The following SELENOT variants were observed in gnomAD, a reference collection of about 807,000 sequenced individuals.
SELENOT encodes the protein thioredoxin reductase-like selenoprotein T.
A neutral mutation model predicts 24.3 loss-of-function variants in SELENOT; 9 were observed. That is an observed-to-expected ratio of 0.37 (90% CI 0.22 to 0.65). The LOEUF (loss-of-function observed/expected upper bound fraction) is 0.65. SELENOT is among the 30% of genes least tolerant of loss of function. SELENOT has a pLI of 0.60. For missense variants in SELENOT, 166 were observed against 247.6 expected (o/e 0.67, Z 2.21); for synonymous variants, 81 against 86.0 (o/e 0.94, Z 0.32).
chr3:150,621,274 C>A (rs1001666470), intron 1 of SELENOT, among the ~76,000 whole-genome samples: 1 of 152,108 alleles, frequency 6.6e-6, no homozygotes, highest in Non-Finnish European at 1.5e-5. Flanking sequence ...CTCACACCCC[C>A]CCCAAAAAAC....
At chr3:150,611,210 A>G in intron 1 of SELENOT, 3 of 875,708 alleles carry the variant, frequency 3.4e-6, no homozygotes, top group Non-Finnish European at 5.5e-6. Flanking sequence ...TACATGTGAA[A>G]AAGCGGTAAA....
chr3:150,611,612 A>G (rs1726094020), intron 1 of SELENOT: 1 of 1,499,002 alleles, frequency 6.7e-7, no homozygotes, highest in Admixed American at 1.7e-5. Flanking sequence ...CTGCGCTCTT[A>G]TCCAGCTCGA....
chr3:150,614,492 C>T, intron 1 of SELENOT: 1 of 153,442 alleles, frequency 6.5e-6, no homozygotes, highest in Middle Eastern at 5.2e-4. Flanking sequence ...CATGAAAATA[C>T]GAAAAGTAGA....
chr3:150,623,312 G>A (rs1414716525), intron 3 of SELENOT, 143 bp downstream of exon 3: 1 of 737,718 alleles, frequency 1.4e-6, no homozygotes. Flanking sequence ...TATCTCTGGG[G>A]AAGTCACTTA....
At position 150,603,512 on chromosome 3, in the gene SELENOT, A is replaced by C. The variant is rs1322551699; in HGVS notation, c.137+13A>C. The stretch of plus-strand genomic sequence containing the variant: ...AGTTCCAGATTTGGTGAGTATGTGC[A>C]CTGGGCCCCGGCCACCCCGCCGCGC... On this transcript the variant is annotated intron_variant, in intron 1 of 5. Transcript: ENST00000471696. 1 of 1,573,170 alleles carries C rather than the reference A, an allele frequency of 6.4e-7. No individual in the cohort carries two copies. The highest frequency in any genetic ancestry group is 8.7e-7 in the Non-Finnish European group (1 of 1,151,882).
At chr3:150,617,613 T>C in intron 1 of SELENOT, among the ~76,000 whole-genome samples, 1 of 152,212 alleles carries the variant, frequency 6.6e-6, no homozygotes, top group East Asian at 1.9e-4. Flanking sequence ...ACCCTCCACG[T>C]CTTAGAAGCC....
chr3:150,606,317 A>AT (rs901171519), intron 1 of SELENOT, among the ~76,000 whole-genome samples: 8 of 151,074 alleles, frequency 5.3e-5, no homozygotes, highest in Non-Finnish European at 7.4e-5. Context: ...TAATTTTCAT[A>AT]TTTTTTGTAG....
intron 2 of SELENOT, 52 bp downstream of exon 2, chr3:150,622,547 T>C (rs193106330): frequency 1.1e-6 from 1 of 879,614 alleles, no homozygotes; most frequent in East Asian, 3.1e-5. Flanking sequence ...ACTTTATAAG[T>C]GTTTGTGAAT....
At position 150,608,720 on chromosome 3, in the gene SELENOT, G is replaced by A. The variant is rs1240880687; in HGVS notation, c.137+5221G>A. Reference sequence around the variant, plus strand: ...GATAGCAGGTTAGTAGTAGTAGAGTGTTACCATTAAAAAAATAGCTGCAGC... The same window carrying A: ...GATAGCAGGTTAGTAGTAGTAGAGTATTACCATTAAAAAAATAGCTGCAGC... On this transcript the variant is annotated intron_variant, in intron 1 of 5. Coordinates refer to ENST00000471696, the MANE Select transcript of SELENOT (RefSeq NM_016275.5). 2.0e-5 allele frequency among the ~76,000 whole-genome samples: 3 copies of A among 150,356 alleles called. No individual in the cohort carries two copies. In the East Asian group the frequency reaches 6.0e-4, roughly 30 times the overall value.
chr3:150,614,173 A>G (rs1726161311), intron 1 of SELENOT, among the ~76,000 whole-genome samples: 1 of 152,168 alleles, frequency 6.6e-6, no homozygotes, highest in African/African-American at 2.4e-5. Flanking sequence ...AAGAAAATGG[A>G]TACATAAAAC....
rs940409187 is a variant in SELENOT, at chr3:150,629,123, CTTTG to C, written c.*1500_*1503del. 3.9e-5 allele frequency: 6 copies of C among 152,096 alleles called. No homozygotes were observed. Among genetic ancestry groups the C allele is most frequent in the East Asian group, 1.9e-4 (1 of 5,192 alleles). The allele number at this position is 152,096 out of a possible 1,614,324, so 9.4% of individuals were successfully genotyped here. A position where few individuals can be genotyped will look rare whatever the true frequency, so the allele number is the denominator to read the frequency against. On this transcript the variant is annotated 3_prime_UTR_variant, in exon 6 of 6. Coordinates refer to ENST00000471696, the MANE Select transcript of SELENOT (RefSeq NM_016275.5). The stretch of plus-strand genomic sequence containing the variant: ...ACTTTCTGTAACAATTAACCTTATA[CTTTG>C]TTTGTCATCGAATATTTGTTGAATG...
intron 3 of SELENOT, among the ~76,000 whole-genome samples, 185 bp downstream of exon 3, chr3:150,623,354 T>C (rs1307512023): frequency 6.6e-6 from 1 of 152,164 alleles, no homozygotes; most frequent in Non-Finnish European, 1.5e-5. Context: ...CATATTGATA[T>C]ATTAAGAATG....
At chr3:150,606,342 C>T (rs1284966332) in intron 1 of SELENOT, among the ~76,000 whole-genome samples, 1 of 151,434 alleles carries the variant, frequency 6.6e-6, no homozygotes, top group Non-Finnish European at 1.5e-5. Context: ...CTGGTCTTGC[C>T]TTGTTGCCCA....
At chr3:150,618,342 A>G (rs1726264258) in intron 1 of SELENOT, among the ~76,000 whole-genome samples, 1 of 152,236 alleles carries the variant, frequency 6.6e-6, no homozygotes, top group Non-Finnish European at 1.5e-5. Flanking sequence ...AGATTGTGAA[A>G]ATAGAAAACC....
chr3:150,605,790 G>A (rs1333454490), intron 1 of SELENOT, among the ~76,000 whole-genome samples: 2 of 152,170 alleles, frequency 1.3e-5, no homozygotes, highest in African/African-American at 4.8e-5. Context: ...CTAGAATCTT[G>A]TGGACATTAA....
At chr3:150,618,196 C>G (rs1726261279) in intron 1 of SELENOT, among the ~76,000 whole-genome samples, 1 of 152,168 alleles carries the variant, frequency 6.6e-6, no homozygotes, top group Admixed American at 6.5e-5. Flanking sequence ...AGAAGGAACT[C>G]TGTTTGGATC....
chr3:150,604,107 C>T (rs111887442), intron 1 of SELENOT, among the ~76,000 whole-genome samples: 7 of 152,180 alleles, frequency 4.6e-5, no homozygotes, highest in Non-Finnish European at 1.0e-4. Flanking sequence ...TTCTGTTTGC[C>T]ATTTCCAAAG....
At chr3:150,620,019 G>T (rs1726305472) in intron 1 of SELENOT, among the ~76,000 whole-genome samples, 1 of 152,116 alleles carries the variant, frequency 6.6e-6, no homozygotes, top group Admixed American at 6.5e-5. Context: ...GTCCTTTTTG[G>T]AATCAGATTA....
At chr3:150,603,570 C>G in intron 1 of SELENOT, 71 bp downstream of exon 1, 2 of 1,449,372 alleles carry the variant, frequency 1.4e-6, no homozygotes, top group Non-Finnish European at 9.2e-7. Flanking sequence ...CGCGAGGCCC[C>G]GGCTTCGCGG....
Sources: gnomAD v4.1 joint callset for allele counts (sites outside exome capture counted in the v4.1 genomes callset) on GRCh38, gnomAD v4.1.1 for gene constraint, MANE v1.5 for transcripts, NCBI Gene and HGNC (gene_info 2026-07-23, HGNC 2026-07-21) for gene names.